The following TENM4 variants were observed in gnomAD, a reference collection of about 807,000 sequenced individuals.
TENM4 encodes teneurin-4.
Under a neutral mutation model 243.3 loss-of-function variants are expected in TENM4, and 82 were observed. The observed-to-expected ratio is 0.34, with a 90% CI of 0.28 to 0.40. TENM4 has a LOEUF of 0.40. TENM4 is among the 10% of genes least tolerant of loss of function. The pLI is 1.00. For synonymous variants in TENM4, 1,412 were observed against 1,456.3 expected (o/e 0.97, Z 0.69); for missense variants, 3,138 against 3,673.3 (o/e 0.85, Z 3.77).
intron 15 of TENM4, among the ~76,000 whole-genome samples, chr11:78,799,930 G>T (rs1857247602): frequency 1.3e-5 from 2 of 152,112 alleles, no homozygotes; most frequent in Non-Finnish European, 2.9e-5. Context: ...CAGTGGAAAT[G>T]AGGAATAAAT....
intron 15 of TENM4, among the ~76,000 whole-genome samples, chr11:78,801,279 C>T (rs1857276889): frequency 6.6e-6 from 1 of 152,174 alleles, no homozygotes; most frequent in Non-Finnish European, 1.5e-5. Context: ...CCTCCCCCAC[C>T]ATCACTACCA....
chr11:78,908,841 T>G (rs925324605), intron 6 of TENM4, among the ~76,000 whole-genome samples: 3 of 152,242 alleles, frequency 2.0e-5, no homozygotes, highest in Non-Finnish European at 4.4e-5. Flanking sequence ...AAGGCCCTAG[T>G]GTTAATCAGC....
chr11:79,159,515 C>T (rs541962185), intron 3 of TENM4, among the ~76,000 whole-genome samples: 5 of 152,200 alleles, frequency 3.3e-5, no homozygotes, highest in African/African-American at 9.6e-5. Flanking sequence ...CCTTAGTTTT[C>T]GCATCTGTAA....
chr11:79,211,553 A>AATG (rs1217227634), intron 3 of TENM4, among the ~76,000 whole-genome samples: 4 of 152,232 alleles, frequency 2.6e-5, no homozygotes, highest in Non-Finnish European at 4.4e-5. Flanking sequence ...TTCGAGGTTG[A>AATG]ATGCAGAAGC....
chr11:79,065,077 C>G (rs1173569100), intron 5 of TENM4, 70 bp from the exon 6 acceptor site: 1 of 1,427,842 alleles, frequency 7.0e-7, no homozygotes, highest in African/African-American at 1.4e-5. Flanking sequence ...TGCCTGAAGC[C>G]TGGCCTTCTT....
At chr11:79,157,420 A>G (rs567407452) in intron 3 of TENM4, among the ~76,000 whole-genome samples, 11 of 152,002 alleles carry the variant, frequency 7.2e-5, no homozygotes, top group African/African-American at 2.7e-4. Flanking sequence ...TTTCTTTCAT[A>G]CCTTCACTCA....
intron 4 of TENM4, 54 bp from the exon 5 acceptor site, chr11:79,070,063 T>G (rs2137002681): frequency 6.9e-7 from 1 of 1,452,934 alleles, no homozygotes; most frequent in Non-Finnish European, 9.1e-7. Flanking sequence ...CATTCCCGGG[T>G]TCATCCTGGT....
intron 33 of TENM4, 48 bp from the exon 34 acceptor site, chr11:78,658,864 A>C (rs761682319): frequency 6.4e-7 from 1 of 1,556,698 alleles, no homozygotes; most frequent in South Asian, 1.2e-5. Flanking sequence ...AGGGGAAAAA[A>C]CCCTGAGAAC....
intron 33 of TENM4, 42 bp from the exon 34 acceptor site, chr11:78,658,858 GA>G (rs776851915): frequency 6.4e-7 from 1 of 1,564,998 alleles, no homozygotes; most frequent in South Asian, 1.2e-5. Context: ...AGACAAAGGG[GA>G]AAAAACCCTG....
chr11:78,749,900 C>G (rs1856143576), intron 19 of TENM4, among the ~76,000 whole-genome samples: 1 of 152,188 alleles, frequency 6.6e-6, no homozygotes, highest in South Asian at 2.1e-4. Flanking sequence ...TTTCTGGCCT[C>G]ATAGTTCCCT....
rs573623973 is a variant in TENM4, at chr11:78,911,068, T to C, written c.494-7545A>G. Among the ~76,000 whole-genome samples, 12 of 152,374 alleles carry C rather than the reference T, an allele frequency of 7.9e-5. No homozygotes were observed. In the South Asian group the frequency reaches 1.4e-3, roughly 18 times the overall value. On this transcript the variant is annotated intron_variant, in intron 6 of 33. Transcript: ENST00000278550. ...TCGGTGAACACTCAGATTATTAAAT[T>C]GCTTTGCATTTTACAAACAGTGATG...
intron 2 of TENM4, among the ~76,000 whole-genome samples, chr11:79,245,643 A>T (rs1466401650): frequency 6.6e-6 from 1 of 152,186 alleles, no homozygotes; most frequent in Non-Finnish European, 1.5e-5. Context: ...AGGAAGATAG[A>T]AAAAGAAAAC....
In TENM4 at chr11:78,805,277, T is replaced by TGCCCCCCCACCCCCC; in HGVS notation, c.2179+14_2179+15insGGGGGGTGGGGGGGC. ...CCCCTCCCTCTACCCATGCTTCTTC[T>TGCCCCCCCACCCCCC]CCCCCTGCATTTACCGATAGAACAG... On this transcript the variant is annotated intron_variant, in intron 15 of 33. Transcript: ENST00000278550. The TGCCCCCCCACCCCCC allele has an allele frequency of 7.1e-7, 1 of 1,402,548 alleles. No homozygotes were observed. Among genetic ancestry groups the TGCCCCCCCACCCCCC allele is most frequent in the Non-Finnish European group, 9.7e-7 (1 of 1,033,114 alleles). 86.9% of individuals were successfully genotyped at this position (1,402,548 alleles called of 1,614,324 possible).
At chr11:79,061,334 A>G (rs956599258) in intron 6 of TENM4, among the ~76,000 whole-genome samples, 3 of 152,176 alleles carry the variant, frequency 2.0e-5, no homozygotes, top group Non-Finnish European at 2.9e-5. Context: ...TAGGGAGTCC[A>G]GTCTTGGAAG....
chr11:78,853,649 C>CTGTAT (rs1376164361), intron 12 of TENM4, among the ~76,000 whole-genome samples: 12 of 152,346 alleles, frequency 7.9e-5, no homozygotes, highest in African/African-American at 2.9e-4. Context: ...CTCTTCAAGC[C>CTGTAT]TGTATCCTCT....
intron 28 of TENM4, among the ~76,000 whole-genome samples, chr11:78,688,933 C>T (rs1858751020): frequency 6.6e-6 from 1 of 152,144 alleles, no homozygotes; most frequent in South Asian, 2.1e-4. Flanking sequence ...TTACTATTCT[C>T]CTGATAATAA....
chr11:79,053,524 A>T (rs1859857150), intron 6 of TENM4, among the ~76,000 whole-genome samples: 1 of 152,180 alleles, frequency 6.6e-6, no homozygotes, highest in African/African-American at 2.4e-5. Context: ...CTCTGGCCTC[A>T]TCTTTTCTTA....
intron 3 of TENM4, among the ~76,000 whole-genome samples, chr11:79,193,663 A>T (rs1863563879): frequency 6.6e-6 from 1 of 152,180 alleles, no homozygotes; most frequent in Non-Finnish European, 1.5e-5. Flanking sequence ...ACACTTACCA[A>T]AGAGTGAAGC....
intron 7 of TENM4, among the ~76,000 whole-genome samples, chr11:78,895,625 G>A (rs1855774586): frequency 6.6e-6 from 1 of 152,058 alleles, no homozygotes; most frequent in African/African-American, 2.4e-5. Flanking sequence ...TTTCTTGATG[G>A]GGACCCTAAG....
Sources: gnomAD v4.1 joint callset for allele counts (sites outside exome capture counted in the v4.1 genomes callset) on GRCh38, gnomAD v4.1.1 for gene constraint, MANE v1.5 for transcripts, NCBI Gene and HGNC (gene_info 2026-07-23, HGNC 2026-07-21) for gene names.